The following SLC25A21 variants were observed in gnomAD, a reference collection of about 807,000 sequenced individuals.
The protein encoded by SLC25A21 is mitochondrial 2-oxodicarboxylate carrier.
A neutral mutation model predicts 43.8 loss-of-function variants in SLC25A21; 47 were observed. The ratio of observed to expected loss-of-function variants is 1.07; its 90% CI spans 0.85 to 1.37. The LOEUF is 1.37. SLC25A21 is among the 40% of genes most tolerant of loss of function. The pLI, the probability that SLC25A21 is intolerant of heterozygous loss-of-function variation, is 0.00. For synonymous variants in SLC25A21, 131 were observed against 121.3 expected (o/e 1.08, Z -0.52); for missense variants, 352 against 350.2 (o/e 1.00, Z -0.04).
chr14:36,907,392 T>C (rs937567173), intron 1 of SLC25A21, among the ~76,000 whole-genome samples: 2 of 152,160 alleles, frequency 1.3e-5, no homozygotes, highest in African/African-American at 4.8e-5. Context: ...GATAAAATTG[T>C]GTGTATTTAC....
At chr14:36,852,280 C>G (rs1251614047) in intron 2 of SLC25A21, among the ~76,000 whole-genome samples, 1 of 152,144 alleles carries the variant, frequency 6.6e-6, no homozygotes, top group African/African-American at 2.4e-5. Context: ...AAAAGTGAAC[C>G]TGGTAAGTTT....
chr14:37,030,997 A>C (rs1594760024), intron 1 of SLC25A21, among the ~76,000 whole-genome samples: 1 of 152,214 alleles, frequency 6.6e-6, no homozygotes, highest in Non-Finnish European at 1.5e-5. Flanking sequence ...TTGGCATTTC[A>C]AGGGATATGG....
At chr14:37,133,738 T>G (rs1439294783) in intron 1 of SLC25A21, among the ~76,000 whole-genome samples, 1 of 152,196 alleles carries the variant, frequency 6.6e-6, no homozygotes, top group Non-Finnish European at 1.5e-5. Context: ...CTAAACCTGT[T>G]GTCCCTCTAT....
At chr14:36,766,428 A>G (rs1417965943) in intron 3 of SLC25A21, among the ~76,000 whole-genome samples, 1 of 152,194 alleles carries the variant, frequency 6.6e-6, no homozygotes, top group Non-Finnish European at 1.5e-5. Flanking sequence ...TGAAGTTCCT[A>G]CAGTATAATC....
chr14:37,059,703 T>C (rs1164061457), intron 1 of SLC25A21, among the ~76,000 whole-genome samples: 4 of 152,172 alleles, frequency 2.6e-5, no homozygotes, highest in Non-Finnish European at 5.9e-5. Flanking sequence ...TCTTCTATAA[T>C]GGAAGTTTTC....
intron 2 of SLC25A21, among the ~76,000 whole-genome samples, chr14:36,834,612 A>T (rs1164264180): frequency 6.6e-6 from 1 of 152,140 alleles, no homozygotes; most frequent in Non-Finnish European, 1.5e-5. Context: ...AACTGCCCTT[A>T]CACTTTGGAA....
chr14:36,891,574 G>A (rs1472240346), intron 1 of SLC25A21, among the ~76,000 whole-genome samples: 1 of 152,114 alleles, frequency 6.6e-6, no homozygotes, highest in Non-Finnish European at 1.5e-5. Context: ...CACAATGGCA[G>A]AAACTAAAAG....
chr14:36,772,289 G>A (rs1487217384), intron 3 of SLC25A21, among the ~76,000 whole-genome samples: 2 of 152,052 alleles, frequency 1.3e-5, no homozygotes, highest in Non-Finnish European at 2.9e-5. Context: ...TCCAAAACAC[G>A]TTTGTAAATC....
At chr14:36,942,503 C>T (rs1214153409) in intron 1 of SLC25A21, among the ~76,000 whole-genome samples, 1 of 152,088 alleles carries the variant, frequency 6.6e-6, no homozygotes, top group Non-Finnish European at 1.5e-5. Context: ...CTTTCTATCA[C>T]ACATATTTGA....
At chr14:36,986,554 C>T (rs1464175971) in intron 1 of SLC25A21, among the ~76,000 whole-genome samples, 1 of 152,116 alleles carries the variant, frequency 6.6e-6, no homozygotes, top group Non-Finnish European at 1.5e-5. Flanking sequence ...GAGCCTAGAA[C>T]ACTTCCAATG....
intron 1 of SLC25A21, among the ~76,000 whole-genome samples, chr14:37,015,868 C>T (rs1033542261): frequency 1.6e-4 from 24 of 152,226 alleles, no homozygotes; most frequent in South Asian, 1.5e-3. Flanking sequence ...TCATCTCCTT[C>T]GCCCACTTGT....
At chr14:36,726,749 A>T (rs541315292) in intron 5 of SLC25A21, among the ~76,000 whole-genome samples, 8 of 152,342 alleles carry the variant, frequency 5.3e-5, no homozygotes, top group African/African-American at 1.4e-4. Flanking sequence ...TCCAAAACAG[A>T]TGCTGGAAAA....
At chr14:37,145,608 T>C (rs375783123) in intron 1 of SLC25A21, among the ~76,000 whole-genome samples, 121 of 152,174 alleles carry the variant, frequency 8.0e-4, no homozygotes, top group Non-Finnish European at 1.2e-3. Context: ...ATGTGTGGGA[T>C]TGACTCAGAT....
At chr14:36,847,517 T>C (rs894026870) in intron 2 of SLC25A21, among the ~76,000 whole-genome samples, 1 of 152,162 alleles carries the variant, frequency 6.6e-6, no homozygotes. Context: ...TCACACACTG[T>C]GATAAACGCC....
rs114841246 is a variant in SLC25A21 at position 36,981,917 on chromosome 14, T to G, written c.71-106913A>C. On this transcript the variant is annotated intron_variant, in intron 1 of 9. Transcript: ENST00000331299. ...TCCACTCAATACCTAACAGGCGAGT[T>G]GATGTATCTACTGATTTTAATCCTC... is the stretch of plus-strand genomic sequence containing the variant. Among the ~76,000 whole-genome samples the G allele has an allele frequency of 4.3e-3, 651 of 152,332 alleles. 4 individuals are homozygous for G. The highest frequency in any genetic ancestry group is 0.015 in the African/African-American group (628 of 41,578).
chr14:36,981,075 C>T (rs1473363136), intron 1 of SLC25A21, among the ~76,000 whole-genome samples: 2 of 151,518 alleles, frequency 1.3e-5, no homozygotes, highest in Non-Finnish European at 2.9e-5. Context: ...AGCCAATAGA[C>T]ACATGAAAAA....
intron 3 of SLC25A21, among the ~76,000 whole-genome samples, chr14:36,760,765 G>C (rs928691111): frequency 6.6e-6 from 1 of 152,118 alleles, no homozygotes; most frequent in Admixed American, 6.5e-5. Flanking sequence ...GCCAGCGTGC[G>C]TGTTTAAGGG....
chr14:36,786,005 T>C (rs1445445917), intron 3 of SLC25A21, among the ~76,000 whole-genome samples: 1 of 152,218 alleles, frequency 6.6e-6, no homozygotes, highest in Non-Finnish European at 1.5e-5. Flanking sequence ...CTGAACATTA[T>C]TTCTTGGGGA....
rs576705105 is a variant in SLC25A21 at position 36,688,593 on chromosome 14, C to T, written c.604-3668G>A. Among the ~76,000 whole-genome samples, 8 of 152,330 alleles carry T rather than the reference C, an allele frequency of 5.3e-5. No homozygotes were observed. The East Asian group carries it at 1.5e-3, about 29-fold the overall frequency. On this transcript the variant is annotated intron_variant, in intron 7 of 9. Coordinates refer to ENST00000331299, the MANE Select transcript of SLC25A21 (RefSeq NM_030631.4). ...GGCTGCCTGCCGCCTTCGGTCCTAC[C>T]GCCCCACCTCCAGCAGCCCAGAACC...
Sources: allele counts gnomAD v4.1 joint callset (sites outside exome capture counted in the v4.1 genomes callset), GRCh38; gene constraint gnomAD v4.1.1; transcripts MANE v1.5; gene names NCBI Gene and HGNC (gene_info 2026-07-23, HGNC 2026-07-21).